The following VASP variants were observed in gnomAD, a reference collection of about 807,000 sequenced individuals.
The protein encoded by VASP is vasodilator stimulated phosphoprotein, also known as vasodilator-stimulated phosphoprotein.
Under a neutral mutation model 54.4 loss-of-function variants are expected in VASP, and 27 were observed. The ratio of observed to expected loss-of-function variants is 0.50; its 90% CI spans 0.37 to 0.68. The LOEUF (loss-of-function observed/expected upper bound fraction) is 0.68, where lower values mean the gene tolerates loss of function less well. Ranked by LOEUF, VASP falls within the 30% of genes least tolerant of loss-of-function variation. VASP has a pLI of 0.00. For synonymous variants in VASP, 233 were observed against 209.8 expected, an observed-to-expected ratio of 1.11 and a Z score of -0.96; for missense variants, 488 against 528.3, an observed-to-expected ratio of 0.92 and a Z score of 0.75.
intron 5 of VASP, 58 bp downstream of exon 5, chr19:45,522,275 C>G: frequency 6.2e-7 from 1 of 1,614,058 alleles, no homozygotes; most frequent in Non-Finnish European, 8.5e-7. Flanking sequence ...AAGTGGCCAG[C>G]CAGCTGGACA....
At chr19:45,513,968 A>C (rs1376084245) in intron 1 of VASP, among the ~76,000 whole-genome samples, 1 of 152,194 alleles carries the variant, frequency 6.6e-6, no homozygotes, top group Non-Finnish European at 1.5e-5. Context: ...CTGGGACACA[A>C]ATTTCTGCCT....
Position 45,507,522 on chromosome 19 carries a change from C to A in VASP, c.-250C>A. The A allele has an allele frequency of 1.4e-5, 7 of 501,862 alleles. No homozygotes were observed. In the South Asian group the frequency reaches 1.9e-4, roughly 13 times the overall value. The allele number at this position is 501,862 out of a possible 1,614,324, so 31.1% of individuals were successfully genotyped here. A position where few individuals can be genotyped will look rare whatever the true frequency, so the allele number is the denominator to read the frequency against. On this transcript the variant is annotated 5_prime_UTR_variant, in exon 1 of 13. Transcript: ENST00000245932. This position sits in a 1 kb window ranked among gnomAD's most constrained non-coding sequence, Gnocchi z 4.4. The stretch of plus-strand genomic sequence containing the variant: ...CTGTAGCCGCCACCGGCAAGGGGTG[C>A]GCGCTGGGGAGCGGACGCTGCATCC...
At chr19:45,512,206 A>T (rs1000823197) in intron 1 of VASP, among the ~76,000 whole-genome samples, 1 of 152,082 alleles carries the variant, frequency 6.6e-6, no homozygotes, top group East Asian at 1.9e-4. Flanking sequence ...GTTCCCCTCA[A>T]TGGAGGCAGC....
Position 45,526,297 on chromosome 19 carries a change from T to G in VASP, c.*120T>G. ...CTACACAGGAATGCATCGTTCCCAC[T>G]CCCCATCCCACTTGGAAAACTCCAA... On this transcript the variant is annotated 3_prime_UTR_variant, in exon 13 of 13. Coordinates refer to ENST00000245932, the MANE Select transcript of VASP (RefSeq NM_003370.4). 1 of 1,230,008 alleles carries G rather than the reference T, an allele frequency of 8.1e-7. No individual in the cohort carries two copies. The allele number at this position is 1,230,008 out of a possible 1,614,324, so 76.2% of individuals were successfully genotyped here. A position where few individuals can be genotyped will look rare whatever the true frequency, so the allele number is the denominator to read the frequency against.
At position 45,518,194 on chromosome 19, in the gene VASP, T is replaced by C. The variant is rs570888427; in HGVS notation, c.343+100T>C. 172 of 1,444,098 alleles carry C rather than the reference T, an allele frequency of 1.2e-4. 2 individuals carry two copies. In the African/African-American group the frequency reaches 2.2e-3, roughly 18 times the overall value. 89.5% of individuals were successfully genotyped at this position (1,444,098 alleles called of 1,614,324 possible). On this transcript the variant is annotated intron_variant, in intron 3 of 12. Coordinates refer to ENST00000245932, the MANE Select transcript of VASP (RefSeq NM_003370.4). ...GGACTTGGTTTACTCGTCGGTAAAA[T>C]AGAGCGAATTCATTGTTATCATGGA...
chr19:45,515,519 C>T (rs749062099), intron 1 of VASP, among the ~76,000 whole-genome samples: 11 of 152,204 alleles, frequency 7.2e-5, no homozygotes, highest in South Asian at 4.1e-4. Flanking sequence ...GTGTGCTGGA[C>T]GCTGTACCAA....
chr19:45,516,699 T>TA (rs1244288268), intron 1 of VASP, among the ~76,000 whole-genome samples: 1 of 152,124 alleles, frequency 6.6e-6, no homozygotes, highest in East Asian at 1.9e-4. Flanking sequence ...TATTTTTCAT[T>TA]AAAAAAGTTT....
intron 3 of VASP, among the ~76,000 whole-genome samples, chr19:45,518,296 C>T (rs971088785): frequency 5.9e-5 from 9 of 152,156 alleles, no homozygotes; most frequent in Non-Finnish European, 1.2e-4. Context: ...GGCCCGGCGC[C>T]GTGGCTCATG....
intron 3 of VASP, among the ~76,000 whole-genome samples, chr19:45,519,898 T>C (rs1190934030): frequency 1.1e-4 from 9 of 80,962 alleles, no homozygotes; most frequent in East Asian, 3.7e-4. Context: ...CCCGGCCTTT[T>C]TTTTTTTTTT....
intron 1 of VASP, among the ~76,000 whole-genome samples, chr19:45,512,493 G>A (rs1968619276): frequency 6.6e-6 from 1 of 151,864 alleles, no homozygotes; most frequent in Admixed American, 6.6e-5. Flanking sequence ...TCACCATGTT[G>A]GTCAGGCTGG....
intron 6 of VASP, 43 bp downstream of exon 6, chr19:45,522,624 A>G: frequency 6.6e-7 from 1 of 1,523,870 alleles, no homozygotes; most frequent in South Asian, 1.3e-5. Context: ...CAGGGCTTTT[A>G]TGGGGGATGA....
rs34345197 is a variant in VASP, at chr19:45,521,398, G to T, written c.420G>T (p.Gln140His). ...PNGPSPEEVE[Q>H]QKRQQPGPSE... ...GCCCCTCCCCGGAGGAGGTGGAGCA[G>T]CAGAAAAGGTGGGGCTGGGCCCTGG... Residue 140 changes from glutamine to histidine, a missense_variant, in exon 4 of 13, where the codon CAG becomes CAT. Coordinates refer to ENST00000245932, the MANE Select transcript of VASP (RefSeq NM_003370.4). 96 of 1,566,540 alleles carry T rather than the reference G, an allele frequency of 6.1e-5. 1 individual carries two copies. The African/African-American group carries it at 1.1e-3, about 18-fold the overall frequency.
intron 3 of VASP, among the ~76,000 whole-genome samples, chr19:45,518,833 T>G (rs1272800005): frequency 6.6e-6 from 1 of 151,956 alleles, no homozygotes; most frequent in Admixed American, 6.6e-5. Flanking sequence ...CTTGGCTCTT[T>G]TTTTGTTTTG....
chr19:45,517,871 C>T (rs1223605972), intron 2 of VASP, 37 bp downstream of exon 2: 4 of 1,595,834 alleles, frequency 2.5e-6, no homozygotes, highest in Non-Finnish European at 3.4e-6. Context: ...TGGGCTGAAC[C>T]CCTACCCGCC....
intron 1 of VASP, among the ~76,000 whole-genome samples, chr19:45,510,207 C>G (rs1968572672): frequency 6.7e-6 from 1 of 149,578 alleles, no homozygotes; most frequent in Non-Finnish European, 1.5e-5. Flanking sequence ...GACAGCAATT[C>G]TGGCTGGTTT....
At chr19:45,515,694 G>A (rs1418133856) in intron 1 of VASP, among the ~76,000 whole-genome samples, 1 of 152,060 alleles carries the variant, frequency 6.6e-6, no homozygotes, top group South Asian at 2.1e-4. Context: ...ACACCACCAC[G>A]CCCAGCTAAT....
chr19:45,507,820 T>G lies in VASP; in HGVS notation c.5+44T>G, dbSNP rs1270796493. 4 of 1,184,894 alleles carry G rather than the reference T, an allele frequency of 3.4e-6. No homozygotes were observed. The highest frequency in any genetic ancestry group is 1.7e-5 in the African/African-American group (1 of 57,224). 73.4% of individuals were successfully genotyped at this position (1,184,894 alleles called of 1,614,324 possible). On this transcript the variant is annotated intron_variant, in intron 1 of 12. Coordinates refer to ENST00000245932, the MANE Select transcript of VASP (RefSeq NM_003370.4). This position sits in a 1 kb window ranked among gnomAD's most constrained non-coding sequence, Gnocchi z 4.4. Reference sequence around the variant, plus strand: ...CCGACCCGTCCCCGCCCGGGCGGGCTCCGCGCCCCGCCTTTGTCCCCCTCC... The same window carrying G: ...CCGACCCGTCCCCGCCCGGGCGGGCGCCGCGCCCCGCCTTTGTCCCCCTCC...
chr19:45,519,922 T>TTTTTTTTTTA (rs57222956), intron 3 of VASP, among the ~76,000 whole-genome samples: 9 of 102,324 alleles, frequency 8.8e-5, no homozygotes, highest in African/African-American at 2.5e-4. Context: ...TTTTTTTTTT[T>TTTTTTTTTTA]AATATGGAGT....
At chr19:45,509,391 A>AC (rs58324993) in intron 1 of VASP, among the ~76,000 whole-genome samples, 35,315 of 132,430 alleles carry the variant, frequency 0.27, 4,130 homozygotes, top group African/African-American at 0.27. Context: ...CCGCCCCTCC[A>AC]CCCCCCCTCG....
Sources: gnomAD v4.1 joint callset for allele counts (sites outside exome capture counted in the v4.1 genomes callset) on GRCh38, gnomAD v4.1.1 for gene constraint, Gnocchi (gnomAD v3.1) non-coding constraint, MANE v1.5 for transcripts, NCBI Gene and HGNC (gene_info 2026-07-23, HGNC 2026-07-21) for gene names.